The following PREX2 variants were observed in gnomAD, a reference collection of about 807,000 sequenced individuals.
PREX2 encodes the protein phosphatidylinositol 3,4,5-trisphosphate-dependent Rac exchanger 2 protein.
Under a neutral mutation model 203.2 loss-of-function variants are expected in PREX2, and 107 were observed. The ratio of observed to expected loss-of-function variants is 0.53; its 90% CI spans 0.45 to 0.62. The LOEUF is 0.62. PREX2 is among the 20% of genes least tolerant of loss of function. PREX2 has a pLI of 0.00. For missense variants in PREX2, 1,777 were observed against 1,955.9 expected (o/e 0.91, Z 1.72); for synonymous variants, 672 against 663.6 (o/e 1.01, Z -0.19).
At chr8:68,155,808 A>T (rs1486548670) in intron 34 of PREX2, among the ~76,000 whole-genome samples, 5 of 152,168 alleles carry the variant, frequency 3.3e-5, no homozygotes, top group African/African-American at 1.2e-4. Flanking sequence ...TTTTTAAATG[A>T]TACCTCATAA....
chr8:68,138,658 T>C, intron 33 of PREX2, 141 bp downstream of exon 33: 1 of 495,728 alleles, frequency 2.0e-6, no homozygotes, highest in South Asian at 3.6e-5. Flanking sequence ...TTTCCATCAC[T>C]AATCTGACAA....
chr8:68,037,219 C>T (rs1302615135), intron 6 of PREX2, among the ~76,000 whole-genome samples: 1 of 152,110 alleles, frequency 6.6e-6, no homozygotes, highest in African/African-American at 2.4e-5. Flanking sequence ...TAGAAATTTA[C>T]TCCAGATTTA....
chr8:68,096,217 C>T (rs973387440), intron 21 of PREX2, among the ~76,000 whole-genome samples: 1 of 152,054 alleles, frequency 6.6e-6, no homozygotes. Flanking sequence ...TAGATTGGTT[C>T]CTATAATGCT....
intron 10 of PREX2, among the ~76,000 whole-genome samples, chr8:68,058,100 C>T (rs1808733257): frequency 6.6e-6 from 1 of 152,180 alleles, no homozygotes; most frequent in Non-Finnish European, 1.5e-5. Flanking sequence ...CTGAGTGGAT[C>T]CTTGTCCGTT....
chr8:67,988,174 T>G (rs1329150533), intron 1 of PREX2, among the ~76,000 whole-genome samples: 1 of 152,218 alleles, frequency 6.6e-6, no homozygotes, highest in Non-Finnish European at 1.5e-5. Flanking sequence ...CACAGTTACC[T>G]TACTATCTGC....
chr8:68,193,671 G>T (rs1329143545), intron 37 of PREX2, among the ~76,000 whole-genome samples: 2 of 152,142 alleles, frequency 1.3e-5, no homozygotes, highest in South Asian at 4.1e-4. Flanking sequence ...AGACATAAAT[G>T]GTCTAGGAAA....
At chr8:68,149,384 C>G (rs969368993) in intron 34 of PREX2, among the ~76,000 whole-genome samples, 1 of 152,180 alleles carries the variant, frequency 6.6e-6, no homozygotes. Context: ...AAAAGTGATA[C>G]AGATTTTCAA....
Position 68,047,806 on chromosome 8 carries a change from A to G in PREX2, c.943+3216A>G, listed in dbSNP as rs565244006. 5.9e-5 allele frequency among the ~76,000 whole-genome samples: 9 copies of G among 152,034 alleles called. 1 individual carries two copies. In the South Asian group the frequency reaches 1.9e-3, roughly 32 times the overall value. Reference sequence around the variant, plus strand: ...AATAGTTTTCTAAGGAAGAAGCTCTATCAGATGACTAATTTCATTGATATA... The same window carrying G: ...AATAGTTTTCTAAGGAAGAAGCTCTGTCAGATGACTAATTTCATTGATATA... On this transcript the variant is annotated intron_variant, in intron 8 of 39. Coordinates refer to ENST00000288368, the MANE Select transcript of PREX2 (RefSeq NM_024870.4).
chr8:68,203,575 A>T (rs911909714), intron 37 of PREX2, among the ~76,000 whole-genome samples: 1 of 152,224 alleles, frequency 6.6e-6, no homozygotes, highest in African/African-American at 2.4e-5. Context: ...TAGGGAACAC[A>T]CTTTGGGTTT....
At chr8:68,212,326 ATAT>A in intron 37 of PREX2, among the ~76,000 whole-genome samples, 2 of 152,276 alleles carry the variant, frequency 1.3e-5, no homozygotes, top group South Asian at 4.1e-4. Context: ...TTCCCACCTG[ATAT>A]TATTCATCTG....
chr8:68,146,974 G>C (rs1811340472), intron 34 of PREX2, among the ~76,000 whole-genome samples: 1 of 152,016 alleles, frequency 6.6e-6, no homozygotes, highest in South Asian at 2.1e-4. Flanking sequence ...TCTGAGGGAA[G>C]GTCTTGAATC....
At position 68,099,677 on chromosome 8, in the gene PREX2, T is replaced by G. The variant is rs1388071263; in HGVS notation, c.2554-5T>G. 1.9e-6 allele frequency: 3 copies of G among 1,612,730 alleles called. No individual in the cohort carries two copies. Among genetic ancestry groups the G allele is most frequent in the Non-Finnish European group, 2.5e-6 (3 of 1,178,926 alleles). On this transcript the variant is annotated splice_region_variant and splice_polypyrimidine_tract_variant and intron_variant, in intron 22 of 39. Transcript: ENST00000288368. ...GTGGGTGTGCGTGTGTGTTTGTCAT[T>G]GCAGATTCTTGAAGCCCTGGCTAAA...
At chr8:68,169,381 A>G (rs117576993) in intron 35 of PREX2, among the ~76,000 whole-genome samples, 1,738 of 152,036 alleles carry the variant, frequency 0.011, 8 homozygotes, top group Middle Eastern at 0.024. Flanking sequence ...TTTCACTACA[A>G]TTATGGAGTT....
intron 35 of PREX2, among the ~76,000 whole-genome samples, chr8:68,181,206 T>C (rs539610740): frequency 1.3e-5 from 2 of 152,282 alleles, no homozygotes; most frequent in East Asian, 1.9e-4. Context: ...GATTCACCTT[T>C]GATCGGTCTG....
At chr8:67,987,015 C>A (rs1010779530) in intron 1 of PREX2, among the ~76,000 whole-genome samples, 1 of 151,614 alleles carries the variant, frequency 6.6e-6, no homozygotes, top group African/African-American at 2.4e-5. Context: ...TAGCCGGGCA[C>A]GGTGTCAGGT....
chr8:68,062,149 A>C (rs1808876494), intron 11 of PREX2, among the ~76,000 whole-genome samples: 1 of 152,094 alleles, frequency 6.6e-6, no homozygotes, highest in Non-Finnish European at 1.5e-5. Context: ...CATGCCGTCA[A>C]GCCCTGTGAG....
intron 1 of PREX2, among the ~76,000 whole-genome samples, chr8:67,972,746 T>C (rs184765650): frequency 6.6e-6 from 1 of 152,300 alleles, no homozygotes; most frequent in Non-Finnish European, 1.5e-5. Context: ...CTACCTACTT[T>C]AATCCCTTCC....
intron 33 of PREX2, among the ~76,000 whole-genome samples, chr8:68,139,968 A>G (rs1379095959): frequency 6.6e-6 from 1 of 152,180 alleles, no homozygotes; most frequent in Non-Finnish European, 1.5e-5. Context: ...AGAGAACTCT[A>G]TTTTTGTGAT....
At chr8:68,156,686 G>T (rs1398037777) in intron 34 of PREX2, among the ~76,000 whole-genome samples, 3 of 152,132 alleles carry the variant, frequency 2.0e-5, no homozygotes, top group African/African-American at 7.2e-5. Context: ...TTGAACTTAG[G>T]CTTAAATATA....
Sources: allele counts gnomAD v4.1 joint callset (sites outside exome capture counted in the v4.1 genomes callset), GRCh38; gene constraint gnomAD v4.1.1; transcripts MANE v1.5; gene names NCBI Gene and HGNC (gene_info 2026-07-23, HGNC 2026-07-21).